RGS22: variants seen among roughly 807,000 people sequenced by gnomAD.
RGS22 encodes the protein regulator of G protein signaling 22, also known as regulator of G-protein signaling 22.
RGS22 carries 148 observed loss-of-function variants against 172.9 expected under a neutral mutation model. The ratio of observed to expected loss-of-function variants is 0.86; its 90% CI spans 0.75 to 0.98. RGS22 has a LOEUF of 0.98. RGS22 is among the 50% of genes least tolerant of loss of function. The pLI, the probability that RGS22 is intolerant of heterozygous loss-of-function variation, is 0.00. For synonymous variants in RGS22, 458 were observed against 480.2 expected, an observed-to-expected ratio of 0.95 and a Z score of 0.60; for missense variants, 1,347 against 1,440.8, an observed-to-expected ratio of 0.93 and a Z score of 1.05.
intron 3 of RGS22, among the ~76,000 whole-genome samples, chr8:100,082,043 A>G (rs1348121764): frequency 6.6e-6 from 1 of 152,084 alleles, no homozygotes; most frequent in African/African-American, 2.4e-5. Flanking sequence ...TAATCAAGTA[A>G]AAAGTGCTCA....
At chr8:99,984,136 A>G (rs1364681830) in intron 21 of RGS22, among the ~76,000 whole-genome samples, 1 of 151,950 alleles carries the variant, frequency 6.6e-6, no homozygotes, top group Non-Finnish European at 1.5e-5. Context: ...TATACAAAAT[A>G]TTAGCTGGGT....
At chr8:100,027,539 T>C (rs1012042400) in intron 14 of RGS22, among the ~76,000 whole-genome samples, 5 of 152,050 alleles carry the variant, frequency 3.3e-5, no homozygotes, top group African/African-American at 9.7e-5. Flanking sequence ...CTGGAGTGCA[T>C]TGGCATGATC....
chr8:100,000,393 AG>A (rs1814911770), intron 18 of RGS22, among the ~76,000 whole-genome samples: 1 of 152,164 alleles, frequency 6.6e-6, no homozygotes, highest in Admixed American at 6.5e-5. Flanking sequence ...AAAAAGAAAA[AG>A]AAAAAAAAAG....
intron 23 of RGS22, among the ~76,000 whole-genome samples, chr8:99,966,235 G>A (rs1472937560): frequency 6.6e-6 from 1 of 152,124 alleles, no homozygotes; most frequent in Admixed American, 6.5e-5. Context: ...GGTACACACA[G>A]ACATATAGAG....
At chr8:100,033,984 T>A (rs1819150794) in intron 14 of RGS22, among the ~76,000 whole-genome samples, 1 of 152,172 alleles carries the variant, frequency 6.6e-6, no homozygotes, top group Admixed American at 6.5e-5. Context: ...AAGAGCTATT[T>A]ATGACAAACC....
intron 11 of RGS22, 94 bp downstream of exon 11, chr8:100,047,369 A>C (rs1820833312): frequency 8.7e-7 from 1 of 1,143,766 alleles, no homozygotes; most frequent in African/African-American, 1.6e-5. Context: ...TAAAAATATC[A>C]AAGTACTAGT....
At chr8:100,016,560 G>A (rs191773015) in intron 14 of RGS22, among the ~76,000 whole-genome samples, 2 of 152,026 alleles carry the variant, frequency 1.3e-5, no homozygotes, top group Non-Finnish European at 2.9e-5. Context: ...GGCAGATCAC[G>A]AGGTCAGGAG....
At chr8:100,028,172 T>A (rs1490809905) in intron 14 of RGS22, among the ~76,000 whole-genome samples, 6 of 152,118 alleles carry the variant, frequency 3.9e-5, no homozygotes, top group Non-Finnish European at 5.9e-5. Context: ...TCCATGACAG[T>A]CCCATTGTCA....
intron 12 of RGS22, among the ~76,000 whole-genome samples, chr8:100,041,489 C>CA (rs34208055): frequency 0.6 from 85,085 of 142,196 alleles, 24,921 homozygotes; most frequent in Admixed American, 0.63. Flanking sequence ...GACTCTATCT[C>CA]AAAAAAAAAA....
chr8:100,064,206 G>A (rs1377298692), intron 7 of RGS22, among the ~76,000 whole-genome samples, 163 bp from the exon 8 acceptor site: 8 of 152,134 alleles, frequency 5.3e-5, no homozygotes, highest in Admixed American at 1.3e-4. Context: ...GGTGGCTCAC[G>A]CCTGTCATCC....
chr8:100,068,165 G>A (rs1438504781), intron 6 of RGS22, among the ~76,000 whole-genome samples: 2 of 152,074 alleles, frequency 1.3e-5, no homozygotes, highest in Non-Finnish European at 2.9e-5. Flanking sequence ...GAGGTTGGAG[G>A]ATGGCTTGAA....
chr8:100,105,053 G>A (rs968336008), intron 2 of RGS22, among the ~76,000 whole-genome samples: 2 of 152,194 alleles, frequency 1.3e-5, no homozygotes, highest in Non-Finnish European at 2.9e-5. Context: ...GAAATGCACA[G>A]CCACATCATA....
intron 14 of RGS22, among the ~76,000 whole-genome samples, chr8:100,029,773 C>T (rs1818593842): frequency 6.7e-6 from 1 of 150,206 alleles, no homozygotes; most frequent in Non-Finnish European, 1.5e-5. Context: ...AACCTGCATG[C>T]TCTGCACATG....
At chr8:100,034,924 A>T (rs1235540981) in intron 14 of RGS22, among the ~76,000 whole-genome samples, 1 of 152,208 alleles carries the variant, frequency 6.6e-6, no homozygotes, top group Non-Finnish European at 1.5e-5. Context: ...CTGAAACTGG[A>T]TCCCCTCCTT....
At chr8:99,995,183 T>C (rs1249796336) in intron 20 of RGS22, among the ~76,000 whole-genome samples, 1 of 152,090 alleles carries the variant, frequency 6.6e-6, no homozygotes, top group East Asian at 1.9e-4. Context: ...ACCTAGGCAA[T>C]ACCATTCAGG....
chr8:100,021,779 G>A (rs1817623095), intron 14 of RGS22, among the ~76,000 whole-genome samples: 3 of 147,890 alleles, frequency 2.0e-5, no homozygotes, highest in South Asian at 2.1e-4. Flanking sequence ...GAAGCTAAGG[G>A]TGAAAAAAAA....
At chr8:100,023,784 G>C (rs151174451) in intron 14 of RGS22, among the ~76,000 whole-genome samples, 57 of 152,172 alleles carry the variant, frequency 3.7e-4, no homozygotes, top group African/African-American at 1.3e-3. Flanking sequence ...AAATCTTGCA[G>C]GCCTGTGAAG....
chr8:99,991,642 T>C (rs1167122549), intron 20 of RGS22, among the ~76,000 whole-genome samples: 1 of 152,176 alleles, frequency 6.6e-6, no homozygotes, highest in Non-Finnish European at 1.5e-5. Context: ...ACATTTTTGA[T>C]TGGTGTACCT....
At chr8:100,073,915 A>T (rs936018080) in intron 4 of RGS22, among the ~76,000 whole-genome samples, 3 of 152,226 alleles carry the variant, frequency 2.0e-5, no homozygotes, top group South Asian at 2.1e-4. Flanking sequence ...AGCCAAGCTG[A>T]AAACAAAACT....
Sources: gnomAD v4.1 joint callset for allele counts (sites outside exome capture counted in the v4.1 genomes callset) on GRCh38, gnomAD v4.1.1 for gene constraint, MANE v1.5 for transcripts, NCBI Gene and HGNC (gene_info 2026-07-23, HGNC 2026-07-21) for gene names.